The following CD209 variants were observed in gnomAD, a reference collection of about 807,000 sequenced individuals.
CD209 encodes CD209 molecule.
In CD209, 31 loss-of-function variants were observed where a neutral mutation model predicts 44.7. That is an observed-to-expected ratio of 0.69 (90% CI 0.52 to 0.94). The LOEUF is 0.94. CD209 is among the 40% of genes least tolerant of loss of function. The pLI, the probability that CD209 is intolerant of heterozygous loss-of-function variation, is 0.00. For missense variants in CD209, 407 were observed against 452.4 expected, an observed-to-expected ratio of 0.90 and a Z score of 0.91; for synonymous variants, 173 against 181.3, an observed-to-expected ratio of 0.95 and a Z score of 0.37.
intron 2 of CD209, among the ~76,000 whole-genome samples, chr19:7,746,869 C>T (rs528821276): frequency 6.7e-6 from 1 of 149,006 alleles, no homozygotes; most frequent in East Asian, 2.0e-4. Context: ...CCCAGCCTCC[C>T]CTTCCCCAGG....
intron 6 of CD209, among the ~76,000 whole-genome samples, chr19:7,743,650 C>T (rs1384385944): frequency 6.6e-6 from 1 of 152,130 alleles, no homozygotes; most frequent in East Asian, 1.9e-4. Flanking sequence ...GTTCACCTGG[C>T]CTTGACCTTT....
At position 7,746,341 on chromosome 19, in the gene CD209, C is replaced by T. The variant is rs369571663; in HGVS notation, c.178+119G>A. ...GCTGTGGGAGAGGCCCCTACAGACC[C>T]CCAGGGACAACATCTTGGCTCTCAG... On this transcript the variant is annotated intron_variant, in intron 3 of 6. Coordinates refer to ENST00000315599, the MANE Select transcript of CD209 (RefSeq NM_021155.4). The T allele has an allele frequency of 2.2e-5, 27 of 1,201,978 alleles. 1 individual carries two copies. The Middle Eastern group carries it at 9.6e-4, about 43-fold the overall frequency. 74.5% of individuals were successfully genotyped at this position (1,201,978 alleles called of 1,614,324 possible).
In CD209 at chr19:7,745,965, A is replaced by G. The variant is rs534724071; in HGVS notation, c.301T>C (p.Tyr101His). The G allele has an allele frequency of 2.3e-5, 37 of 1,614,228 alleles. No homozygotes were observed. The East Asian group carries it at 2.9e-4, about 13-fold the overall frequency. Residue 101 changes from tyrosine (Y) to histidine (H), a missense_variant, in exon 4 of 7, where the codon TAC becomes CAC. Physicochemically the swap from Tyr to His is moderately conservative, Grantham distance 83. Transcript: ENST00000315599. Reference sequence around the variant, plus strand: ...GCCTTCAGCTGGGTCAGCTCCTGGTAGATCTCCTGCAGCTTGGATTTCTCT... The same window carrying G: ...GCCTTCAGCTGGGTCAGCTCCTGGTGGATCTCCTGCAGCTTGGATTTCTCT... ...LSEKSKLQEI[Y>H]QELTQLKAAV...
In CD209 at chr19:7,740,352, A is replaced by G; in HGVS notation, c.*2687T>C. ...CACGACAACTGAAAAACAACTCGCCATTTTATTACACAAAGTTGAACCAGA... is the reference window on the plus strand; with the variant it reads ...CACGACAACTGAAAAACAACTCGCCGTTTTATTACACAAAGTTGAACCAGA... On this transcript the variant is annotated 3_prime_UTR_variant, in exon 7 of 7. Transcript: ENST00000315599. 1.9e-6 allele frequency: 1 copy of G among 534,138 alleles called. No homozygotes were observed. The highest frequency in any genetic ancestry group is 2.2e-5 in the South Asian group (1 of 46,504). The allele number at this position is 534,138 out of a possible 1,614,324, so 33.1% of individuals were successfully genotyped here.
At chr19:7,746,408 A>G in intron 3 of CD209, 52 bp downstream of exon 3, 2 of 1,584,558 alleles carry the variant, frequency 1.3e-6, no homozygotes, top group Non-Finnish European at 1.7e-6. Context: ...GGCTGTGTCC[A>G]CAGCCAAAAG....
Position 7,742,857 on chromosome 19 carries a change from C to T in CD209, c.*182G>A, listed in dbSNP as rs138818051. 1.2e-4 allele frequency: 74 copies of T among 608,814 alleles called. 1 individual carries two copies. In the African/African-American group the frequency reaches 1.2e-3, roughly 10 times the overall value. 37.7% of individuals were successfully genotyped at this position (608,814 alleles called of 1,614,324 possible). On this transcript the variant is annotated 3_prime_UTR_variant, in exon 7 of 7. Transcript: ENST00000315599. ...ATCCCACACCAGCTCACTCATAAAGCTCCAAGGATGGGCCAGAAAAACAAG... is the reference window on the plus strand; with the variant it reads ...ATCCCACACCAGCTCACTCATAAAGTTCCAAGGATGGGCCAGAAAAACAAG...
At chr19:7,743,455 G>A (rs114878389) in intron 6 of CD209, among the ~76,000 whole-genome samples, 5,518 of 152,028 alleles carry the variant, frequency 0.036, 261 homozygotes, top group African/African-American at 0.11. Context: ...CCTATTGAGT[G>A]TGTGATTTTC....
intron 3 of CD209, among the ~76,000 whole-genome samples, 167 bp from the exon 4 acceptor site, chr19:7,746,254 G>C (rs1429262642): frequency 6.6e-6 from 1 of 152,160 alleles, no homozygotes; most frequent in Non-Finnish European, 1.5e-5. Flanking sequence ...AGGCCAAGGA[G>C]AGCCAGATTC....
rs2033697744 is a variant in CD209 at position 7,743,753 on chromosome 19, GC to G, written c.1013+353del. Among the ~76,000 whole-genome samples, 7 of 152,090 alleles carry G rather than the reference GC, an allele frequency of 4.6e-5. No homozygotes were observed. In the South Asian group the frequency reaches 1.5e-3, roughly 32 times the overall value. ...ACAGACCCTGGTGCTTCCCCAGGTG[GC>G]CCCCAGCTGTGATGTGTCCTCTCTC... On this transcript the variant is annotated intron_variant, in intron 6 of 6. Transcript: ENST00000315599.
In CD209 at chr19:7,740,836, C is replaced by T. The variant is rs148341013; in HGVS notation, c.*2203G>A. 6.0e-5 allele frequency: 45 copies of T among 755,960 alleles called. No individual in the cohort carries two copies. In the East Asian group the frequency reaches 8.8e-4, roughly 15 times the overall value. 46.8% of individuals were successfully genotyped at this position (755,960 alleles called of 1,614,324 possible). A position where few individuals can be genotyped will look rare whatever the true frequency, so the allele number is the denominator to read the frequency against. Reference sequence around the variant, plus strand: ...CAGAAACGACAGAAGAAACAAAAACCGGAAGCTGTCCAGAAGATGCTGGAT... The same window carrying T: ...CAGAAACGACAGAAGAAACAAAAACTGGAAGCTGTCCAGAAGATGCTGGAT... On this transcript the variant is annotated 3_prime_UTR_variant, in exon 7 of 7. Transcript: ENST00000315599.
rs199885227 is a variant in CD209, at chr19:7,744,109, G to A, written c.1011C>T (p.Pro337=). The change falls in exon 6 of 7, where the codon CCC becomes CCT. Residue 337 remains proline, a splice_region_variant and synonymous_variant. Transcript: ENST00000315599. ...AGGGTGCCCCTTCTGAGATCTACCT[G>A]GGCAACAGAGGTGAGCCGTCCACCC... The part of the protein sequence containing the change: ...WQWVDGSPLL[P]SFKQYWNRGE... The A allele has an allele frequency of 8.7e-6, 14 of 1,610,646 alleles. No individual in the cohort carries two copies. The highest frequency in any genetic ancestry group is 1.1e-5 in the Non-Finnish European group (13 of 1,176,958).
Position 7,741,843 on chromosome 19 carries a change from C to T in CD209, c.*1196G>A. 2 of 480,320 alleles carry T rather than the reference C, an allele frequency of 4.2e-6. No individual in the cohort carries two copies. Among genetic ancestry groups the T allele is most frequent in the Non-Finnish European group, 8.2e-6 (2 of 244,622 alleles). 29.8% of individuals were successfully genotyped at this position (480,320 alleles called of 1,614,324 possible). ...CTCCAAGGGGAGAGAGAGGGTGGGC[C>T]ACCACGATGAATACTACAGGCTGCG... On this transcript the variant is annotated 3_prime_UTR_variant, in exon 7 of 7. Coordinates refer to ENST00000315599, the MANE Select transcript of CD209 (RefSeq NM_021155.4).
In CD209 at chr19:7,742,999, G is replaced by A. The variant is rs376636419; in HGVS notation, c.*40C>T. 79 of 1,456,928 alleles carry A rather than the reference G, an allele frequency of 5.4e-5. No individual in the cohort carries two copies. Among genetic ancestry groups the A allele is most frequent in the East Asian group, 2.3e-5 (1 of 44,120 alleles). The allele number at this position is 1,456,928 out of a possible 1,614,324, so 90.3% of individuals were successfully genotyped here. ...AGAGATTTTGTGAAGGTCGAAGGAT[G>A]GAGAGAAGGAACTGTAGCTTAAAAG... On this transcript the variant is annotated 3_prime_UTR_variant, in exon 7 of 7. Coordinates refer to ENST00000315599, the MANE Select transcript of CD209 (RefSeq NM_021155.4).
chr19:7,741,649 G>C lies in CD209; in HGVS notation c.*1390C>G. The C allele has an allele frequency of 1.1e-6, 1 of 883,092 alleles. No homozygotes were observed. The highest frequency in any genetic ancestry group is 1.8e-6 in the Non-Finnish European group (1 of 547,964). The allele number at this position is 883,092 out of a possible 1,614,324, so 54.7% of individuals were successfully genotyped here. Reference sequence around the variant, plus strand: ...TTCTCTGTTTAACGGACGATGGTATGTACGCAGGACGACAGCTTCAGTGTG... The same window carrying C: ...TTCTCTGTTTAACGGACGATGGTATCTACGCAGGACGACAGCTTCAGTGTG... On this transcript the variant is annotated 3_prime_UTR_variant, in exon 7 of 7. Coordinates refer to ENST00000315599, the MANE Select transcript of CD209 (RefSeq NM_021155.4).
At chr19:7,747,404 GA>G in intron 1 of CD209, 39 bp from the exon 2 acceptor site, 1 of 1,614,190 alleles carries the variant, frequency 6.2e-7, no homozygotes, top group Non-Finnish European at 8.5e-7. Context: ...TGGGCAGGCT[GA>G]GGCCATGGCT....
chr19:7,745,068 C>A lies in CD209; in HGVS notation c.773G>T (p.Trp258Leu). Reference protein sequence around the residue: ...AVERLCHPCPWEWTFFQGNCY... With the variant: ...AVERLCHPCPLEWTFFQGNCY... ...GTTTCCTTGGAAGAATGTCCATTCC[C>A]AGGGACAGGGGTGGCACAGGCGTTC... The change falls in exon 5 of 7, where the codon TGG (tryptophan) becomes TTG (leucine). Residue 258 changes from tryptophan to leucine, a missense_variant. Around this residue, in one of 3 missense-constraint regions of CD209, gnomAD observed 200 missense variants for 202.2 expected, o/e 0.99. Coordinates refer to ENST00000315599, the MANE Select transcript of CD209 (RefSeq NM_021155.4). The A allele has an allele frequency of 1.2e-6, 2 of 1,614,222 alleles. No homozygotes were observed. Among genetic ancestry groups the A allele is most frequent in the Non-Finnish European group, 1.7e-6 (2 of 1,180,044 alleles).
At position 7,747,496 on chromosome 19, in the gene CD209, C is replaced by G. The variant is rs778504585; in HGVS notation, c.16G>C (p.Glu6Gln). The G allele has an allele frequency of 9.3e-6, 15 of 1,614,204 alleles. No homozygotes were observed. Among genetic ancestry groups the G allele is most frequent in the Non-Finnish European group, 1.3e-5 (15 of 1,180,044 alleles). ...AGGCCCAGCTGCTGCAGTCTTGGTT[C>G]CTTGGAGTCACTCATGTCACCCCAC... MSDSK[E>Q]PRLQQLGLLE... The change falls in exon 1 of 7, where the codon GAA becomes CAA. Residue 6 changes from glutamate (E) to glutamine (Q), a missense_variant. Glu to Gln is a conservative substitution (Grantham distance 29). Transcript: ENST00000315599.
At position 7,746,482 on chromosome 19, in the gene CD209, G is replaced by C; in HGVS notation, c.156C>G (p.Leu52=). 9.3e-6 allele frequency: 15 copies of C among 1,613,876 alleles called. No individual in the cohort carries two copies. Among genetic ancestry groups the C allele is most frequent in the Non-Finnish European group, 1.3e-5 (15 of 1,179,846 alleles). ...PLVLQLLSFT[L]LAGLLVQVSK... ...GACCTTGGACAAGGAGCCCAGCCAA[G>C]AGCGTGAAGGAGAGGAGTTGCAGCA... Residue 52 remains leucine (L), a synonymous_variant, in exon 3 of 7, where the codon CTC becomes CTG. Transcript: ENST00000315599.
chr19:7,746,466 C>T lies in CD209; in HGVS notation c.172G>A (p.Val58Ile), dbSNP rs2033827977. 1 of 1,613,870 alleles carries T rather than the reference C, an allele frequency of 6.2e-7. No homozygotes were observed. Among genetic ancestry groups the T allele is most frequent in the Non-Finnish European group, 8.5e-7 (1 of 1,179,848 alleles). ...LSFTLLAGLL[V>I]QVSKVPSSIS... The stretch of plus-strand genomic sequence containing the variant: ...CTCAGAACCTGCCCCTGACCTTGGA[C>T]AAGGAGCCCAGCCAAGAGCGTGAAG... The change falls in exon 3 of 7, where the codon GTC (valine) becomes ATC (isoleucine). Residue 58 changes from valine (V) to isoleucine (I), a missense_variant. Coordinates refer to ENST00000315599, the MANE Select transcript of CD209 (RefSeq NM_021155.4).
Sources: allele counts gnomAD v4.1 joint callset (sites outside exome capture counted in the v4.1 genomes callset), GRCh38; gene constraint gnomAD v4.1.1; regional missense constraint gnomAD v4.1.1; transcripts MANE v1.5; gene names NCBI Gene and HGNC (gene_info 2026-07-23, HGNC 2026-07-21).